COL11A1: variants seen among roughly 807,000 people sequenced by gnomAD.
The protein encoded by COL11A1 is collagen type XI alpha 1 chain, also known as collagen alpha-1(XI) chain.
In COL11A1, 74 loss-of-function variants were observed where a neutral mutation model predicts 265.2. The ratio of observed to expected loss-of-function variants is 0.28; its 90% CI spans 0.23 to 0.34. The LOEUF is 0.34. Among genes scored for constraint, COL11A1 ranks in the 10% least tolerant of loss-of-function variants. COL11A1 has a pLI of 1.00. For missense variants in COL11A1, 2,165 were observed against 2,263.6 expected, an observed-to-expected ratio of 0.96 and a Z score of 0.88; for synonymous variants, 816 against 727.6, an observed-to-expected ratio of 1.12 and a Z score of -1.96.
Position 102,974,891 on chromosome 1 carries a change from T to TA in COL11A1, c.2755-9dup. On this transcript the variant is annotated splice_polypyrimidine_tract_variant and intron_variant, in intron 35 of 66. Coordinates refer to ENST00000370096, the MANE Select transcript of COL11A1 (RefSeq NM_001854.4). The stretch of plus-strand genomic sequence containing the variant: ...CTGAGGTCCTTGAGGACCCTGGAAA[T>TA]AAAAAGCAGTGGGGAGAAGTTAACA... 3 of 1,611,800 alleles carry TA rather than the reference T, an allele frequency of 1.9e-6. No individual in the cohort carries two copies. The highest frequency in any genetic ancestry group is 2.5e-6 in the Non-Finnish European group (3 of 1,178,094).
At chr1:102,951,749 T>A (rs1475789877) in intron 41 of COL11A1, among the ~76,000 whole-genome samples, 2 of 101,090 alleles carry the variant, frequency 2.0e-5, no homozygotes, top group Non-Finnish European at 2.2e-5. Context: ...CTTAAAAAAA[T>A]AAAATAAAAT....
intron 53 of COL11A1, 47 bp from the exon 54 acceptor site, chr1:102,912,259 G>A (rs1654776709): frequency 6.7e-7 from 1 of 1,500,438 alleles, no homozygotes; most frequent in Non-Finnish European, 9.1e-7. Context: ...ATATTATTTT[G>A]TGGCCCACAT....
intron 24 of COL11A1, among the ~76,000 whole-genome samples, chr1:102,999,497 G>A (rs1664922617): frequency 1.3e-5 from 2 of 151,740 alleles, no homozygotes; most frequent in Admixed American, 6.6e-5. Context: ...ATATATGAGT[G>A]AACTCGGAAA....
chr1:102,929,902 T>C (rs1205577526), intron 46 of COL11A1, among the ~76,000 whole-genome samples: 1 of 152,216 alleles, frequency 6.6e-6, no homozygotes, highest in African/African-American at 2.4e-5. Flanking sequence ...TGTCTGTTGT[T>C]GGTGCATAAG....
At chr1:102,982,621 GTAT>G (rs1355300538) in intron 31 of COL11A1, among the ~76,000 whole-genome samples, 2 of 152,054 alleles carry the variant, frequency 1.3e-5, no homozygotes, top group Non-Finnish European at 2.9e-5. Context: ...AATTATGCCT[GTAT>G]TATTTTTAAA....
intron 31 of COL11A1, among the ~76,000 whole-genome samples, chr1:102,980,695 A>G (rs570337752): frequency 6.6e-6 from 1 of 152,190 alleles, no homozygotes; most frequent in East Asian, 1.9e-4. Context: ...TACCCCTAAA[A>G]ATAATGTTTC....
intron 4 of COL11A1, among the ~76,000 whole-genome samples, chr1:103,054,798 C>T (rs1423292284): frequency 2.6e-5 from 4 of 151,950 alleles, no homozygotes; most frequent in African/African-American, 9.7e-5. Flanking sequence ...ATACTCTGGA[C>T]TATGAGGCAG....
At chr1:103,070,731 A>T (rs564071722) in intron 4 of COL11A1, among the ~76,000 whole-genome samples, 3 of 152,092 alleles carry the variant, frequency 2.0e-5, no homozygotes, top group African/African-American at 7.2e-5. Context: ...TTAGAAAAAA[A>T]ATCACAAGGA....
Position 102,965,487 on chromosome 1 carries a change from C to T in COL11A1, c.2916G>A (p.Gln972=), listed in dbSNP as rs1661321082. 1 of 1,613,296 alleles carries T rather than the reference C, an allele frequency of 6.2e-7. No individual in the cohort carries two copies. Among genetic ancestry groups the T allele is most frequent in the Non-Finnish European group, 8.5e-7 (1 of 1,179,480 alleles). The part of the protein sequence containing the change: ...PPGPGGVVGP[Q]GPTGETGPIG... ...TGGGAAATAAAGCAAAGGAACATAC[C>T]TGTGGTCCAACCACTCCCCCTGGCC... Residue 972 remains glutamine, a splice_region_variant and synonymous_variant, in exon 38 of 67, where the codon CAG becomes CAA. Transcript: ENST00000370096.
intron 31 of COL11A1, among the ~76,000 whole-genome samples, chr1:102,983,035 T>C (rs1384907788): frequency 1.3e-5 from 2 of 152,100 alleles, no homozygotes; most frequent in Non-Finnish European, 2.9e-5. Flanking sequence ...GTCTCCCTCC[T>C]GTATCATAAC....
rs191728614 is a variant in COL11A1, at chr1:102,999,190, T to G, written c.2143-827A>C. On this transcript the variant is annotated intron_variant, in intron 24 of 66. Coordinates refer to ENST00000370096, the MANE Select transcript of COL11A1 (RefSeq NM_001854.4). ...CAAGCCTAAATGCTGGACATATTTT[T>G]GGGCTTTTTCCATTCTCAGGGAGTA... is the stretch of plus-strand genomic sequence containing the variant. 2.6e-3 allele frequency among the ~76,000 whole-genome samples: 397 copies of G among 152,124 alleles called. 5 individuals are homozygous for G. Among genetic ancestry groups the G allele is most frequent in the African/African-American group, 9.2e-3 (382 of 41,562 alleles).
intron 36 of COL11A1, among the ~76,000 whole-genome samples, chr1:102,971,918 T>C (rs1662014499): frequency 6.6e-6 from 1 of 152,230 alleles, no homozygotes; most frequent in Admixed American, 6.5e-5. Flanking sequence ...CATTCTTGGA[T>C]GTCATTTAAC....
intron 51 of COL11A1, 68 bp downstream of exon 51, chr1:102,914,636 C>A: frequency 1.6e-6 from 2 of 1,252,114 alleles, no homozygotes; most frequent in Non-Finnish European, 2.3e-6. Context: ...GATTTCAAAT[C>A]TTTCTAAGAA....
chr1:103,090,700 A>G (rs1673249260), intron 1 of COL11A1, among the ~76,000 whole-genome samples: 1 of 152,210 alleles, frequency 6.6e-6, no homozygotes, highest in South Asian at 2.1e-4. Flanking sequence ...TCTAATGCAT[A>G]ATACATATTC....
chr1:102,983,296 G>T (rs146751654), intron 31 of COL11A1, among the ~76,000 whole-genome samples: 43 of 152,092 alleles, frequency 2.8e-4, no homozygotes, highest in African/African-American at 9.6e-4. Flanking sequence ...ATTGAATGGT[G>T]GCTCCTGAAA....
chr1:102,970,646 T>C (rs941353294), intron 36 of COL11A1, among the ~76,000 whole-genome samples: 8 of 152,138 alleles, frequency 5.3e-5, no homozygotes, highest in African/African-American at 1.9e-4. Context: ...CCTAATTCAA[T>C]TCCCGGTGCA....
At position 103,067,177 on chromosome 1, in the gene COL11A1, C is replaced by A. The variant is rs544498917; in HGVS notation, c.651+7441G>T. Among the ~76,000 whole-genome samples, 100 of 151,980 alleles carry A rather than the reference C, an allele frequency of 6.6e-4. 1 individual carries two copies. The highest frequency in any genetic ancestry group is 2.4e-3 in the African/African-American group (99 of 41,530). On this transcript the variant is annotated intron_variant, in intron 4 of 66. Coordinates refer to ENST00000370096, the MANE Select transcript of COL11A1 (RefSeq NM_001854.4). ...GACATTTATAAAAGTCTGCATCGAA[C>A]AATTTCACAATGCACTTTCTTTTTA...
chr1:103,090,214 C>A (rs1423511365), intron 1 of COL11A1, among the ~76,000 whole-genome samples: 1 of 151,980 alleles, frequency 6.6e-6, no homozygotes, highest in African/African-American at 2.4e-5. Context: ...TTCCCAACTT[C>A]TTGAGAGTCA....
chr1:103,075,526 A>G (rs999759696), intron 3 of COL11A1, among the ~76,000 whole-genome samples: 1 of 152,128 alleles, frequency 6.6e-6, no homozygotes, highest in Non-Finnish European at 1.5e-5. Flanking sequence ...AATTTAGAGC[A>G]GTGATGACAG....
Sources: allele counts gnomAD v4.1 joint callset (sites outside exome capture counted in the v4.1 genomes callset), GRCh38; gene constraint gnomAD v4.1.1; transcripts MANE v1.5; gene names NCBI Gene and HGNC (gene_info 2026-07-23, HGNC 2026-07-21).